The following CAGE1 variants were observed in gnomAD, a reference collection of about 807,000 sequenced individuals.
The protein encoded by CAGE1 is cancer antigen 1, also known as cancer-associated gene 1 protein.
Under a neutral mutation model 94.9 loss-of-function variants are expected in CAGE1, and 66 were observed. That is an observed-to-expected ratio of 0.70 (90% CI 0.57 to 0.85). The LOEUF (loss-of-function observed/expected upper bound fraction) is 0.85, where lower values mean the gene tolerates loss of function less well. Ranked by LOEUF, CAGE1 falls within the 40% of genes least tolerant of loss-of-function variation. CAGE1 has a pLI of 0.00. For synonymous variants in CAGE1, 319 were observed against 321.0 expected, an observed-to-expected ratio of 0.99 and a Z score of 0.07; for missense variants, 865 against 950.4, an observed-to-expected ratio of 0.91 and a Z score of 1.18.
intron 1 of CAGE1, among the ~76,000 whole-genome samples, chr6:7,388,579 T>C (rs559748363): frequency 4.5e-4 from 68 of 152,342 alleles, no homozygotes; most frequent in East Asian, 1.9e-4. Flanking sequence ...ACAGCAAATA[T>C]TGATTGAATA....
intron 9 of CAGE1, among the ~76,000 whole-genome samples, chr6:7,359,127 A>G (rs559799256): frequency 2.0e-4 from 31 of 151,746 alleles, no homozygotes; most frequent in African/African-American, 7.0e-4. Context: ...GCTCACTGCA[A>G]CCTCCTCCTC....
chr6:7,371,148 G>C (rs941987166), intron 5 of CAGE1, among the ~76,000 whole-genome samples: 8 of 152,098 alleles, frequency 5.3e-5, no homozygotes, highest in African/African-American at 1.9e-4. Context: ...AGGAGCAGCA[G>C]CATCAACAAC....
rs1304259459 is a variant in CAGE1 at position 7,387,194 on chromosome 6, CTTCTTT to C, written c.-23-4_-22del. On this transcript the variant is annotated splice_acceptor_variant and splice_polypyrimidine_tract_variant and 5_prime_UTR_variant and intron_variant, in exon 2 of 14. Coordinates refer to ENST00000502583, the MANE Select transcript of CAGE1 (RefSeq NM_001170692.2). LOFTEE classifies it low-confidence loss of function (5UTR_SPLICE). Reference sequence around the variant, plus strand: ...TTCATAACTGTTGAACAATAGAAGACTTCTTTAAAAAAAAAATGTGTCTATTAGTAG... The same window carrying C: ...TTCATAACTGTTGAACAATAGAAGACAAAAAAAAAATGTGTCTATTAGTAG... 1 of 1,508,110 alleles carries C rather than the reference CTTCTTT, an allele frequency of 6.6e-7. No individual in the cohort carries two copies. Among genetic ancestry groups the C allele is most frequent in the Non-Finnish European group, 8.9e-7 (1 of 1,124,510 alleles). The allele number at this position is 1,508,110 out of a possible 1,614,324, so 93.4% of individuals were successfully genotyped here.
At chr6:7,371,564 C>T (rs2113448333) in intron 5 of CAGE1, among the ~76,000 whole-genome samples, 1 of 152,224 alleles carries the variant, frequency 6.6e-6, no homozygotes, top group East Asian at 1.9e-4. Flanking sequence ...GGGTGGATCA[C>T]CTGAGATTGG....
At chr6:7,386,454 T>A (rs1442327732) in intron 2 of CAGE1, among the ~76,000 whole-genome samples, 1 of 152,190 alleles carries the variant, frequency 6.6e-6, no homozygotes. Context: ...TCATTATGAA[T>A]GACAACTGAA....
intron 9 of CAGE1, among the ~76,000 whole-genome samples, chr6:7,361,312 G>A (rs960523083): frequency 6.6e-6 from 1 of 152,184 alleles, no homozygotes; most frequent in Admixed American, 6.5e-5. Context: ...GCACAACTCA[G>A]TAAAAGCAAT....
At chr6:7,380,051 G>C (rs1159369712) in intron 3 of CAGE1, among the ~76,000 whole-genome samples, 1 of 152,154 alleles carries the variant, frequency 6.6e-6, no homozygotes, top group African/African-American at 2.4e-5. Context: ...AATCAGATTG[G>C]AGACCACCAC....
At chr6:7,328,685 T>A (rs1758615200) in intron 13 of CAGE1, among the ~76,000 whole-genome samples, 3 of 152,232 alleles carry the variant, frequency 2.0e-5, no homozygotes, top group Admixed American at 1.3e-4. Context: ...CCCAGTGTTC[T>A]GTAACACTGC....
intron 12 of CAGE1, among the ~76,000 whole-genome samples, chr6:7,330,928 T>C (rs1758727907): frequency 1.3e-5 from 2 of 152,238 alleles, no homozygotes; most frequent in African/African-American, 2.4e-5. Context: ...TTAAATTTTC[T>C]TATTTTAAAA....
chr6:7,365,741 C>T, intron 8 of CAGE1, 63 bp downstream of exon 8: 3 of 1,348,120 alleles, frequency 2.2e-6, no homozygotes, highest in African/African-American at 1.5e-5. Context: ...ACCAAAAGAA[C>T]ATAAATACCT....
chr6:7,389,027 T>C (rs1761239068), intron 1 of CAGE1, among the ~76,000 whole-genome samples, 175 bp downstream of exon 1: 1 of 152,228 alleles, frequency 6.6e-6, no homozygotes, highest in South Asian at 2.1e-4. Flanking sequence ...CCATCTTTCA[T>C]TTGTCCTTAC....
At chr6:7,334,393 A>G (rs114268686) in intron 11 of CAGE1, among the ~76,000 whole-genome samples, 358 of 152,296 alleles carry the variant, frequency 2.4e-3, no homozygotes, top group African/African-American at 8.3e-3. Context: ...TGATCCCTCT[A>G]TATGAGTAAA....
intron 9 of CAGE1, among the ~76,000 whole-genome samples, chr6:7,358,165 C>T (rs1045424397): frequency 6.0e-5 from 9 of 150,100 alleles, no homozygotes; most frequent in Non-Finnish European, 1.2e-4. Flanking sequence ...TCCCTCCCTC[C>T]TGCCCATCTG....
chr6:7,368,628 CT>C, intron 7 of CAGE1, 59 bp downstream of exon 7: 1 of 910,348 alleles, frequency 1.1e-6, no homozygotes, highest in Non-Finnish European at 1.6e-6. Context: ...TCTTCACTAC[CT>C]TTTAACTATT....
intron 9 of CAGE1, among the ~76,000 whole-genome samples, chr6:7,358,027 G>GATATATATATATATATATATAT (rs55850429): frequency 2.7e-4 from 13 of 48,078 alleles, no homozygotes; most frequent in Non-Finnish European, 3.5e-4. Flanking sequence ...TAAGTTTTGA[G>GATATATATATATATATATATAT]ATATATATAT....
chr6:7,347,516 T>TGGGGGGG (rs1292213281), intron 11 of CAGE1: 13 of 7,550 alleles, frequency 1.7e-3, no homozygotes, highest in South Asian at 4.8e-3. Context: ...GGGGGGGGGT[T>TGGGGGGG]GGGGGGGGCG....
intron 1 of CAGE1, 72 bp downstream of exon 1, chr6:7,389,130 G>C (rs576132020): frequency 1.4e-4 from 52 of 384,710 alleles, no homozygotes; most frequent in South Asian, 9.8e-4. Context: ...AGTTAAAAGA[G>C]GTGTCACGGG....
chr6:7,339,200 C>G lies in CAGE1; in HGVS notation c.2370-5110G>C. ...TGGCCCCAGTTTCCATGATGAACCG[C>G]GACACACCATAGCAGGCCCTCCGCA... is the stretch of plus-strand genomic sequence containing the variant. On this transcript the variant is annotated intron_variant, in intron 11 of 13. Coordinates refer to ENST00000502583, the MANE Select transcript of CAGE1 (RefSeq NM_001170692.2). This position sits in a 1 kb window ranked among gnomAD's most constrained non-coding sequence, Gnocchi z 4.7. 6.6e-7 allele frequency: 1 copy of G among 1,526,644 alleles called. No homozygotes were observed. Among genetic ancestry groups the G allele is most frequent in the Non-Finnish European group, 9.1e-7 (1 of 1,101,756 alleles). 94.6% of individuals were successfully genotyped at this position (1,526,644 alleles called of 1,614,324 possible).
At chr6:7,364,197 T>C (rs1213564701) in intron 9 of CAGE1, among the ~76,000 whole-genome samples, 1 of 152,176 alleles carries the variant, frequency 6.6e-6, no homozygotes, top group Admixed American at 6.5e-5. Context: ...ATTTTACTGG[T>C]CTTTAAGACC....
Sources: allele counts gnomAD v4.1 joint callset (sites outside exome capture counted in the v4.1 genomes callset), GRCh38; gene constraint gnomAD v4.1.1; non-coding constraint Gnocchi (gnomAD v3.1); transcripts MANE v1.5; gene names NCBI Gene and HGNC (gene_info 2026-07-23, HGNC 2026-07-21).